The following KDM6A variants were observed in gnomAD, a reference collection of about 807,000 sequenced individuals.
KDM6A encodes lysine demethylase 6A.
Under a neutral mutation model 117.6 loss-of-function variants are expected in KDM6A, and 11 were observed. The ratio of observed to expected loss-of-function variants is 0.09; its 90% CI spans 0.06 to 0.15. The LOEUF is 0.15. Among genes scored for constraint, KDM6A ranks in the 10% least tolerant of loss-of-function variants. The pLI, the probability that KDM6A is intolerant of heterozygous loss-of-function variation, is 1.00. For missense variants in KDM6A, 799 were observed against 1,077.3 expected, an observed-to-expected ratio of 0.74 and a Z score of 3.62; for synonymous variants, 384 against 396.1, an observed-to-expected ratio of 0.97 and a Z score of 0.36.
intron 5 of KDM6A, among the ~76,000 whole-genome samples, chrX:45,013,198 A>G (rs1184464914): frequency 8.9e-6 from 1 of 111,761 alleles, no homozygotes; most frequent in East Asian, 2.8e-4. Context: ...GCTTATGCTC[A>G]TAGTCTCCAA....
intron 24 of KDM6A, among the ~76,000 whole-genome samples, chrX:45,084,439 C>T (rs996746673): frequency 1.8e-5 from 2 of 111,453 alleles, no homozygotes; most frequent in African/African-American, 6.5e-5. Context: ...GCAGGTCTCC[C>T]TCAGGTGCTT....
intron 2 of KDM6A, among the ~76,000 whole-genome samples, chrX:44,892,126 C>T (rs1027135389): frequency 4.4e-5 from 5 of 112,527 alleles, no homozygotes; most frequent in African/African-American, 9.7e-5. Context: ...GGAACCTCTA[C>T]GTTTTACAGC....
At chrX:44,954,008 T>G (rs1325392985) in intron 2 of KDM6A, among the ~76,000 whole-genome samples, 2 of 107,841 alleles carry the variant, frequency 1.9e-5, no homozygotes, top group Non-Finnish European at 3.8e-5. Context: ...CAGTGAGCTG[T>G]GATTGTGCCA....
intron 2 of KDM6A, among the ~76,000 whole-genome samples, chrX:44,914,193 C>T (rs749360089): frequency 2.7e-5 from 3 of 111,935 alleles, no homozygotes; most frequent in Admixed American, 9.5e-5. Context: ...TTATTCCCAA[C>T]ACTAGTTATG....
At chrX:44,947,597 C>T (rs1465070659) in intron 2 of KDM6A, among the ~76,000 whole-genome samples, 5 of 109,911 alleles carry the variant, frequency 4.5e-5, no homozygotes, top group African/African-American at 6.6e-5. Context: ...AGGATGGTCT[C>T]GATCTCCTGA....
At chrX:45,096,006 T>A (rs2046088507) in intron 27 of KDM6A, among the ~76,000 whole-genome samples, 1 of 112,102 alleles carries the variant, frequency 8.9e-6, no homozygotes, top group East Asian at 2.8e-4. Flanking sequence ...ATCTTTAATA[T>A]GAACTGCAGT....
chrX:45,070,587 T>C (rs1390443685), intron 18 of KDM6A, among the ~76,000 whole-genome samples: 1 of 111,498 alleles, frequency 9.0e-6, no homozygotes, highest in Non-Finnish European at 1.9e-5. Context: ...GTGCTGTTAC[T>C]GCCCTCTACT....
rs191549321 is a variant in KDM6A, at chrX:45,036,661, T to A, written c.620-994T>A. Among the ~76,000 whole-genome samples the A allele has an allele frequency of 5.0e-4, 56 of 112,573 alleles. 1 individual carries two copies. Among genetic ancestry groups the A allele is most frequent in the East Asian group, 4.2e-3 (15 of 3,614 alleles). On this transcript the variant is annotated intron_variant, in intron 7 of 29. Transcript: ENST00000611820. The stretch of plus-strand genomic sequence containing the variant: ...TATCCAGGTTATAAACCATCTAGAA[T>A]ATATAGATGCTTAAAATTCTTTTCA...
intron 4 of KDM6A, among the ~76,000 whole-genome samples, chrX:44,987,501 C>A (rs1176234123): frequency 2.7e-5 from 3 of 111,515 alleles, no homozygotes; most frequent in Admixed American, 9.5e-5. Flanking sequence ...TCTTCCTAGC[C>A]TTGATGGTCT....
intron 4 of KDM6A, among the ~76,000 whole-genome samples, chrX:44,999,190 C>T (rs1295602962): frequency 9.0e-6 from 1 of 111,532 alleles, no homozygotes; most frequent in Non-Finnish European, 1.9e-5. Flanking sequence ...GTTTCGGTGC[C>T]GCAAAAGAAA....
chrX:45,059,482 G>A lies in KDM6A; in HGVS notation c.1194+16G>A. 8.8e-7 allele frequency: 1 copy of A among 1,134,999 alleles called. No homozygotes were observed. The highest frequency in any genetic ancestry group is 1.2e-6 in the Non-Finnish European group (1 of 830,116). The allele number at this position is 1,134,999 out of a possible 1,213,427, so 93.5% of individuals were successfully genotyped here. On this transcript the variant is annotated intron_variant, in intron 12 of 29. Coordinates refer to ENST00000611820, the MANE Select transcript of KDM6A (RefSeq NM_001291415.2). ...GTATTTACAGGTAAAATTTTTAAAT[G>A]GCAGTTTTTTAAAGCCACATATTTC...
At chrX:44,909,539 T>G (rs1410750417) in intron 2 of KDM6A, among the ~76,000 whole-genome samples, 1 of 111,387 alleles carries the variant, frequency 9.0e-6, no homozygotes, top group Non-Finnish European at 1.9e-5. Flanking sequence ...AGGACCTTTA[T>G]TTACCATTCT....
chrX:45,004,822 A>G (rs986746270), intron 4 of KDM6A, among the ~76,000 whole-genome samples: 2 of 111,365 alleles, frequency 1.8e-5, no homozygotes, highest in East Asian at 5.6e-4. Flanking sequence ...CCAAACTACC[A>G]TAGCAGCCCT....
chrX:44,999,446 G>A (rs1713555192), intron 4 of KDM6A, among the ~76,000 whole-genome samples: 1 of 110,742 alleles, frequency 9.0e-6, no homozygotes, highest in African/African-American at 3.3e-5. Context: ...GTGGTTTGGC[G>A]GGAAAAATGG....
At chrX:45,059,163 C>CA (rs2044205035) in intron 11 of KDM6A, 59 bp downstream of exon 11, 1 of 1,164,309 alleles carries the variant, frequency 8.6e-7, no homozygotes, top group African/African-American at 1.8e-5. Context: ...GGTTGCATCA[C>CA]ATATAGTACT....
intron 3 of KDM6A, among the ~76,000 whole-genome samples, chrX:44,966,146 T>A (rs2038999783): frequency 1.8e-5 from 2 of 109,279 alleles, no homozygotes. Flanking sequence ...ATTTTTTTTT[T>A]AATTTTATTT....
At chrX:45,006,579 A>AAG (rs1329442323) in intron 4 of KDM6A, among the ~76,000 whole-genome samples, 1 of 110,296 alleles carries the variant, frequency 9.1e-6, no homozygotes, top group African/African-American at 3.3e-5. Context: ...GGCTGATTTA[A>AAG]AGAGAGTGAC....
chrX:45,018,246 G>C (rs1255375573), intron 5 of KDM6A, among the ~76,000 whole-genome samples: 1 of 111,384 alleles, frequency 9.0e-6, no homozygotes, highest in Non-Finnish European at 1.9e-5. Context: ...ATGAGATACA[G>C]AAGCAGAAGA....
intron 5 of KDM6A, among the ~76,000 whole-genome samples, chrX:45,015,940 A>G (rs1483388066): frequency 9.0e-6 from 1 of 111,503 alleles, no homozygotes; most frequent in Non-Finnish European, 1.9e-5. Flanking sequence ...TGAAATGAAG[A>G]GTGGCTAGAG....
Sources: allele counts gnomAD v4.1 joint callset (sites outside exome capture counted in the v4.1 genomes callset), GRCh38; gene constraint gnomAD v4.1.1; transcripts MANE v1.5; gene names NCBI Gene and HGNC (gene_info 2026-07-23, HGNC 2026-07-21).